Variants in PLXNB2 observed in about 807,000 individuals in gnomAD.
PLXNB2 encodes the protein plexin B2, also known as plexin-B2.
Under a neutral mutation model 202.6 loss-of-function variants are expected in PLXNB2, and 85 were observed. The observed-to-expected ratio is 0.42, with a 90% CI of 0.35 to 0.50. The LOEUF (loss-of-function observed/expected upper bound fraction) is 0.50. Ranked by LOEUF, PLXNB2 falls within the 20% of genes least tolerant of loss-of-function variation. The pLI, the probability that PLXNB2 is intolerant of heterozygous loss-of-function variation, is 0.02. For synonymous variants in PLXNB2, 1,239 were observed against 1,137.6 expected, an observed-to-expected ratio of 1.09 and a Z score of -1.79; for missense variants, 2,063 against 2,586.2, an observed-to-expected ratio of 0.80 and a Z score of 4.39.
intron 1 of PLXNB2, among the ~76,000 whole-genome samples, chr22:50,305,815 G>A (rs934395228): frequency 5.9e-5 from 9 of 152,278 alleles, no homozygotes; most frequent in African/African-American, 1.9e-4. Context: ...TGGGTGGGGC[G>A]AGGGGGTCCC....
At position 50,282,015 on chromosome 22, in the gene PLXNB2, C is replaced by T; in HGVS notation, c.3184G>A (p.Glu1062Lys). 1.9e-6 allele frequency: 3 copies of T among 1,612,800 alleles called. No individual in the cohort carries two copies. Among genetic ancestry groups the T allele is most frequent in the Non-Finnish European group, 2.5e-6 (3 of 1,179,916 alleles). ...KVVFLSPAVPEEPEAYNLTVL... is the reference protein window; with the variant it reads ...KVVFLSPAVPKEPEAYNLTVL... Reference sequence around the variant, plus strand: ...GTGAGGTTGTAGGCCTCTGGCTCCTCAGGCACAGCCGGGGACAGGAAGACG... The same window carrying T: ...GTGAGGTTGTAGGCCTCTGGCTCCTTAGGCACAGCCGGGGACAGGAAGACG... Residue 1062 changes from glutamate (E) to lysine (K), a missense_variant, in exon 20 of 37, where the codon GAG becomes AAG. Physicochemically the swap from Glu to Lys is moderately conservative, Grantham distance 56. This residue lies in a region of PLXNB2 where 760 missense variants were observed against 1,109.4 expected (regional missense o/e 0.69). Coordinates refer to ENST00000359337, the MANE Select transcript of PLXNB2 (RefSeq NM_012401.4).
In PLXNB2 at chr22:50,304,169, G is replaced by A. The variant is rs371226365; in HGVS notation, c.-74+3384C>T. Reference sequence around the variant, plus strand: ...AGCTCCACAGCCAGGCCAGCCCCAGGCTCCTCCCCAGACAGACATCCCCGG... The same window carrying A: ...AGCTCCACAGCCAGGCCAGCCCCAGACTCCTCCCCAGACAGACATCCCCGG... On this transcript the variant is annotated intron_variant, in intron 1 of 36. Transcript: ENST00000359337. 8.1e-4 allele frequency among the ~76,000 whole-genome samples: 124 copies of A among 152,296 alleles called. 1 individual carries two copies. Among genetic ancestry groups the A allele is most frequent in the African/African-American group, 2.9e-3 (121 of 41,564 alleles).
rs558355828 is a variant in PLXNB2, at chr22:50,287,625, C to T, written c.1608+42G>A. The T allele has an allele frequency of 2.0e-4, 298 of 1,511,568 alleles. 5 individuals are homozygous for T. In the South Asian group the frequency reaches 3.0e-3, roughly 15 times the overall value. 93.6% of individuals were successfully genotyped at this position (1,511,568 alleles called of 1,614,324 possible). ...AGCATGGGGGAGCCCCCACCTGGCC[C>T]GGCCTGGGGCCCAGGACCCCCACCC... On this transcript the variant is annotated intron_variant, in intron 7 of 36. Transcript: ENST00000359337.
At chr22:50,283,479 C>T in intron 15 of PLXNB2, 34 bp from the exon 16 acceptor site, 1 of 1,592,446 alleles carries the variant, frequency 6.3e-7, no homozygotes, top group Non-Finnish European at 8.6e-7. Context: ...CCCAGGCACT[C>T]CCCGACCCAC....
intron 1 of PLXNB2, among the ~76,000 whole-genome samples, chr22:50,299,623 G>A (rs1312985020): frequency 6.6e-6 from 1 of 152,128 alleles, no homozygotes; most frequent in Non-Finnish European, 1.5e-5. Context: ...GGGGCTGGGG[G>A]GTCGGCAAGG....
chr22:50,287,119 G>T lies in PLXNB2; in HGVS notation c.1754C>A (p.Pro585Gln). 2 of 1,522,882 alleles carry T rather than the reference G, an allele frequency of 1.3e-6. No individual in the cohort carries two copies. Among genetic ancestry groups the T allele is most frequent in the Non-Finnish European group, 1.8e-6 (2 of 1,131,144 alleles). 94.3% of individuals were successfully genotyped at this position (1,522,882 alleles called of 1,614,324 possible). Residue 585 changes from proline to glutamine, a missense_variant, in exon 8 of 37, where the codon CCA (proline) becomes CAA (glutamine). Physicochemically the swap from Pro to Gln is moderately conservative, Grantham distance 76. Coordinates refer to ENST00000359337, the MANE Select transcript of PLXNB2 (RefSeq NM_012401.4). The part of the protein sequence containing the change: ...NSPSSIPVTP[P>Q]GQDHVAVTIQ... Reference sequence around the variant, plus strand: ...TCGGGAAGGGGCCTCACCCTGGCCTGGCGGTGTGACGGGGATGCTGCTTGG... The same window carrying T: ...TCGGGAAGGGGCCTCACCCTGGCCTTGCGGTGTGACGGGGATGCTGCTTGG...
intron 25 of PLXNB2, 26 bp downstream of exon 25, chr22:50,280,463 C>T (rs774825918): frequency 5.1e-6 from 8 of 1,576,570 alleles, no homozygotes; most frequent in Non-Finnish European, 6.9e-6. Context: ...GCCCGTGGCC[C>T]CGCTCGTGGC....
intron 1 of PLXNB2, among the ~76,000 whole-genome samples, chr22:50,296,146 A>C (rs773492953): frequency 2.6e-5 from 4 of 151,254 alleles, no homozygotes; most frequent in Non-Finnish European, 5.9e-5. Flanking sequence ...AGCAAGGAGG[A>C]GGCCACGGCA....
chr22:50,279,884 G>A (rs1327618339), intron 26 of PLXNB2, 108 bp from the exon 27 acceptor site: 6 of 1,465,704 alleles, frequency 4.1e-6, no homozygotes, highest in African/African-American at 2.8e-5. Flanking sequence ...GTCAGGGGCA[G>A]GAAGCAAACC....
intron 20 of PLXNB2, 21 bp from the exon 21 acceptor site, chr22:50,281,763 G>A (rs755902195): frequency 4.9e-5 from 76 of 1,559,106 alleles, no homozygotes; most frequent in Admixed American, 2.9e-4. Flanking sequence ...GGCAGTGGTC[G>A]GGGTGAGGAG....
chr22:50,280,714 G>GCCCCA, intron 24 of PLXNB2, 30 bp downstream of exon 24: 1 of 1,528,952 alleles, frequency 6.5e-7, no homozygotes, highest in Non-Finnish European at 8.9e-7. Context: ...CCACCTGTGT[G>GCCCCA]CCCTCCCGCC....
chr22:50,284,118 C>T lies in PLXNB2; in HGVS notation c.2263+14G>A. On this transcript the variant is annotated intron_variant, in intron 13 of 36. Coordinates refer to ENST00000359337, the MANE Select transcript of PLXNB2 (RefSeq NM_012401.4). This position sits in a 1 kb window ranked among gnomAD's most constrained non-coding sequence, Gnocchi z 8.0. ...CGTCCCCTGCCCGCCCCCCACTGCG[C>T]CCGTGGCCCCCACCATGGAGCTTGC... 6.2e-7 allele frequency: 1 copy of T among 1,608,820 alleles called. No individual in the cohort carries two copies. The highest frequency in any genetic ancestry group is 8.5e-7 in the Non-Finnish European group (1 of 1,178,656).
chr22:50,286,242 ATGT>A lies in PLXNB2; in HGVS notation c.1805_1807del (p.Asn602del). 6.2e-7 allele frequency: 1 copy of A among 1,613,244 alleles called. No homozygotes were observed. Among genetic ancestry groups the A allele is most frequent in the Non-Finnish European group, 8.5e-7 (1 of 1,179,894 alleles). On this transcript the variant is annotated inframe_deletion, in exon 9 of 37. Transcript: ENST00000359337. Reference sequence around the variant, plus strand: ...GGGGTACTGGTAGGACGTGAGGAAGATGTTGCCTCGTCTAAGGAGGAGCTGGAT... The same window carrying A: ...GGGGTACTGGTAGGACGTGAGGAAGATGCCTCGTCTAAGGAGGAGCTGGAT...
In PLXNB2 at chr22:50,289,466, C is replaced by G. The variant is rs753361944; in HGVS notation, c.1068+51G>C. ...CAGCAGGCTGGGACACGCAAACCCA[C>G]GAACGGACGCCTGCAGTCCGGGCCC... On this transcript the variant is annotated intron_variant, in intron 3 of 36. Transcript: ENST00000359337. The surrounding 1 kb of genome is among the most constrained non-coding windows in gnomAD (Gnocchi z 8.0). The G allele has an allele frequency of 6.6e-7, 1 of 1,518,434 alleles. No homozygotes were observed. The highest frequency in any genetic ancestry group is 2.0e-4 in the Middle Eastern group (1 of 4,992). 94.1% of individuals were successfully genotyped at this position (1,518,434 alleles called of 1,614,324 possible).
chr22:50,307,540 C>A lies in PLXNB2; in HGVS notation c.-74+13G>T. ...GAGACGTCCCCCGCAGCCCAGTCCC[C>A]CGAGCTCGGTACCTGCACGTCCGCC... On this transcript the variant is annotated intron_variant, in intron 1 of 36. Coordinates refer to ENST00000359337, the MANE Select transcript of PLXNB2 (RefSeq NM_012401.4). 20 of 981,694 alleles carry A rather than the reference C, an allele frequency of 2.0e-5. No individual in the cohort carries two copies. The highest frequency in any genetic ancestry group is 2.4e-5 in the Non-Finnish European group (20 of 828,138). The allele number at this position is 981,694 out of a possible 1,614,324, so 60.8% of individuals were successfully genotyped here.
rs1313506835 is a variant in PLXNB2, at chr22:50,275,482, G to T, written c.*222C>A. ...CCGATGCTGGTTCTGCGGCCGGAGG[G>T]AGCTGGGGCTGGGGCTGGTGCTGGT... On this transcript the variant is annotated 3_prime_UTR_variant, in exon 37 of 37. Coordinates refer to ENST00000359337, the MANE Select transcript of PLXNB2 (RefSeq NM_012401.4). The T allele has an allele frequency of 1.5e-6, 1 of 665,940 alleles. No homozygotes were observed. The highest frequency in any genetic ancestry group is 1.8e-5 in the African/African-American group (1 of 56,514). 41.3% of individuals were successfully genotyped at this position (665,940 alleles called of 1,614,324 possible).
intron 1 of PLXNB2, among the ~76,000 whole-genome samples, chr22:50,296,281 T>TCTA (rs1194689740): frequency 7.0e-5 from 10 of 142,798 alleles, no homozygotes; most frequent in African/African-American, 2.9e-4. Context: ...CCGCGTGTGG[T>TCTA]GGTACAGCCT....
At chr22:50,302,204 C>T (rs938620882) in intron 1 of PLXNB2, among the ~76,000 whole-genome samples, 2 of 152,200 alleles carry the variant, frequency 1.3e-5, no homozygotes, top group African/African-American at 4.8e-5. Flanking sequence ...GGGTGTTGGG[C>T]AGGACCTGGG....
At position 50,281,631 on chromosome 22, in the gene PLXNB2, C is replaced by G; in HGVS notation, c.3457G>C (p.Glu1153Gln). ...CGCCGCTTGGGCGGGGGCTGCACCT[C>G]CGGGGGCTCACAGTACAGGTCGGTC... The part of the protein sequence containing the change: ...TETDLYCEPP[E>Q]VQPPPKRRQK... The change falls in exon 21 of 37, where the codon GAG becomes CAG. Residue 1153 changes from glutamate to glutamine, a missense_variant. Physicochemically the swap from Glu to Gln is conservative, Grantham distance 29 (BLOSUM62 2). Coordinates refer to ENST00000359337, the MANE Select transcript of PLXNB2 (RefSeq NM_012401.4). 1.2e-6 allele frequency: 2 copies of G among 1,606,854 alleles called. No homozygotes were observed. The highest frequency in any genetic ancestry group is 1.7e-6 in the Non-Finnish European group (2 of 1,176,408).
Sources: gnomAD v4.1 joint callset for allele counts (sites outside exome capture counted in the v4.1 genomes callset) on GRCh38, gnomAD v4.1.1 for gene constraint, gnomAD v4.1.1 regional missense constraint, Gnocchi (gnomAD v3.1) non-coding constraint, MANE v1.5 for transcripts, NCBI Gene and HGNC (gene_info 2026-07-23, HGNC 2026-07-21) for gene names.